WLS: variants seen among roughly 807,000 people sequenced by gnomAD.
The protein encoded by WLS is protein wntless homolog.
Under a neutral mutation model 62.8 loss-of-function variants are expected in WLS, and 23 were observed. The ratio of observed to expected loss-of-function variants is 0.37; its 90% CI spans 0.26 to 0.52. The LOEUF is 0.52. Among genes scored for constraint, WLS ranks in the 20% least tolerant of loss-of-function variants. The probability of loss-of-function intolerance (pLI) is 0.92; values close to 1 mark genes in which losing one functional copy is unlikely to be tolerated. For missense variants in WLS, 615 were observed against 697.3 expected (o/e 0.88, Z 1.33); for synonymous variants, 246 against 244.1 (o/e 1.01, Z -0.07).
chr1:68,223,344 G>A (rs1571037172), intron 1 of WLS, among the ~76,000 whole-genome samples: 1 of 152,168 alleles, frequency 6.6e-6, no homozygotes, highest in Non-Finnish European at 1.5e-5. Context: ...AGGAACTAAT[G>A]TTAGAAAGCA....
rs1425540460 is a variant in WLS, at chr1:68,172,306, A to T, written c.380-13059T>A. Among the ~76,000 whole-genome samples the T allele has an allele frequency of 6.1e-3, 658 of 107,460 alleles. 4 individuals carry two copies. The highest frequency in any genetic ancestry group is 0.024 in the African/African-American group (637 of 26,108). 70.5% of individuals were successfully genotyped at this position (107,460 alleles called of 152,430 possible). On this transcript the variant is annotated intron_variant, in intron 2 of 11. Coordinates refer to ENST00000262348, the MANE Select transcript of WLS (RefSeq NM_024911.7). ...GCACATGTATCCCAGAACTTAAAGT[A>T]TAATTAAAAAAAAAAAATACTCAGA...
chr1:68,110,470 T>C (rs957844505), intron 11 of WLS, among the ~76,000 whole-genome samples: 9 of 149,566 alleles, frequency 6.0e-5, no homozygotes, highest in African/African-American at 2.0e-4. Flanking sequence ...ATATTATTAT[T>C]GCATTAAATA....
At chr1:68,107,644 G>A (rs945793359) in intron 11 of WLS, among the ~76,000 whole-genome samples, 1 of 152,154 alleles carries the variant, frequency 6.6e-6, no homozygotes, top group African/African-American at 2.4e-5. Context: ...AAAAAAACAT[G>A]ATCTTCCATT....
At chr1:68,216,683 A>G (rs1238088662) in intron 1 of WLS, among the ~76,000 whole-genome samples, 1 of 152,214 alleles carries the variant, frequency 6.6e-6, no homozygotes, top group Non-Finnish European at 1.5e-5. Context: ...TTAATCCAAA[A>G]AGCAGACAGG....
intron 11 of WLS, among the ~76,000 whole-genome samples, chr1:68,129,034 T>G (rs909535854): frequency 6.7e-6 from 1 of 150,240 alleles, no homozygotes; most frequent in African/African-American, 2.4e-5. Context: ...GCTAAAAATA[T>G]CCGCATACAG....
At chr1:68,167,750 C>A (rs564603168) in intron 2 of WLS, among the ~76,000 whole-genome samples, 6 of 152,248 alleles carry the variant, frequency 3.9e-5, no homozygotes, top group African/African-American at 1.4e-4. Context: ...TCACATTTCT[C>A]AAATAGCTTT....
intron 11 of WLS, among the ~76,000 whole-genome samples, chr1:68,129,603 G>C (rs962364742): frequency 6.6e-6 from 1 of 152,192 alleles, no homozygotes; most frequent in Non-Finnish European, 1.5e-5. Context: ...TTTCACATGT[G>C]ATTTTATTGT....
chr1:68,177,481 C>T (rs1167747465), intron 2 of WLS, among the ~76,000 whole-genome samples: 1 of 152,164 alleles, frequency 6.6e-6, no homozygotes, highest in African/African-American at 2.4e-5. Flanking sequence ...CTCTGGAACA[C>T]AATTCCTCCT....
rs747950708 is a variant in WLS, at chr1:68,194,064, G to A, written c.270C>T (p.Ile90=). ...AIPREIEAND[I]VFSVHIPLPH... ...GGAGGGGAATGTGAACAGAAAACAC[G>A]ATGTCATTGGCTTCAATTTCCCTTG... Residue 90 remains isoleucine (I), a synonymous_variant, in exon 2 of 12, where the codon ATC becomes ATT. Coordinates refer to ENST00000262348, the MANE Select transcript of WLS (RefSeq NM_024911.7). 9.3e-6 allele frequency: 15 copies of A among 1,614,106 alleles called. No homozygotes were observed. In the South Asian group the frequency reaches 1.3e-4, roughly 14 times the overall value.
rs550210106 is a variant in WLS at position 68,203,461 on chromosome 1, G to T, written c.107-9234C>A. Among the ~76,000 whole-genome samples, 293 of 152,352 alleles carry T rather than the reference G, an allele frequency of 1.9e-3. 2 individuals are homozygous for T. Among genetic ancestry groups the T allele is most frequent in the Non-Finnish European group, 3.9e-3 (264 of 68,034 alleles). On this transcript the variant is annotated intron_variant, in intron 1 of 11. Coordinates refer to ENST00000262348, the MANE Select transcript of WLS (RefSeq NM_024911.7). ...CAAGGCACTACCAGCACTGGGCTGGGTGTCACTCAAAGGGAGCCAGCAAGA... is the reference window on the plus strand; with the variant it reads ...CAAGGCACTACCAGCACTGGGCTGGTTGTCACTCAAAGGGAGCCAGCAAGA...
chr1:68,162,882 TCGTGGATTTC>T lies in WLS; in HGVS notation c.380-3645_380-3636del, dbSNP rs576200606. 3.8e-3 allele frequency: 5,883 copies of T among 1,534,652 alleles called. 13 individuals carry two copies. Among genetic ancestry groups the T allele is most frequent in the Middle Eastern group, 7.5e-3 (41 of 5,466 alleles). ...TACCCATGGCTTCGTTAGAACCTTC[TCGTGGATTTC>T]CTGCGTGGACTGCGCGTCACAGAAG... On this transcript the variant is annotated intron_variant, in intron 2 of 11. Transcript: ENST00000262348.
chr1:68,201,053 G>A (rs886681204), intron 1 of WLS, among the ~76,000 whole-genome samples: 3 of 152,156 alleles, frequency 2.0e-5, no homozygotes, highest in Middle Eastern at 3.2e-3. Context: ...TTAGAAATTA[G>A]CTTTAAATAT....
At chr1:68,148,830 C>T (rs1329481982) in intron 6 of WLS, among the ~76,000 whole-genome samples, 170 bp from the exon 7 acceptor site, 1 of 152,104 alleles carries the variant, frequency 6.6e-6, no homozygotes, top group Non-Finnish European at 1.5e-5. Flanking sequence ...TTCAGGAGCT[C>T]ATCTCTGTGG....
chr1:68,107,297 ATT>A (rs11346197), intron 11 of WLS, among the ~76,000 whole-genome samples: 30 of 149,434 alleles, frequency 2.0e-4, no homozygotes, highest in African/African-American at 3.2e-4. Flanking sequence ...GAATAGCTAG[ATT>A]TTTTTTTTTT....
At chr1:68,104,780 TGTGGTG>T (rs1368467672) in intron 11 of WLS, among the ~76,000 whole-genome samples, 1 of 152,004 alleles carries the variant, frequency 6.6e-6, no homozygotes, top group African/African-American at 2.4e-5. Context: ...AGTAGCCAGG[TGTGGTG>T]GTGCATGCCT....
intron 2 of WLS, among the ~76,000 whole-genome samples, chr1:68,168,771 C>T (rs1475103366): frequency 1.3e-5 from 2 of 152,228 alleles, no homozygotes; most frequent in Non-Finnish European, 2.9e-5. Flanking sequence ...CAAATCTCCT[C>T]CCAGCCTCTG....
rs1331398007 is a variant in WLS at position 68,126,479 on chromosome 1, C to T, written c.1517-144G>A. 2.7e-6 allele frequency: 3 copies of T among 1,109,088 alleles called. No individual in the cohort carries two copies. In the Admixed American group the frequency reaches 6.7e-5, roughly 25 times the overall value. The allele number at this position is 1,109,088 out of a possible 1,614,324, so 68.7% of individuals were successfully genotyped here. A position where few individuals can be genotyped will look rare whatever the true frequency, so the allele number is the denominator to read the frequency against. On this transcript the variant is annotated intron_variant, in intron 11 of 11. Coordinates refer to ENST00000262348, the MANE Select transcript of WLS (RefSeq NM_024911.7). ...CACCTAGGGCACACAACATTCAGAACAAGGACTAACTCCAAACCTGTTCAC... is the reference window on the plus strand; with the variant it reads ...CACCTAGGGCACACAACATTCAGAATAAGGACTAACTCCAAACCTGTTCAC...
intron 1 of WLS, among the ~76,000 whole-genome samples, chr1:68,204,721 T>C (rs1217690330): frequency 6.6e-6 from 1 of 152,228 alleles, no homozygotes; most frequent in Non-Finnish European, 1.5e-5. Flanking sequence ...CTCTCCTTCA[T>C]TCAATTTGTT....
At chr1:68,154,838 C>T (rs921553942) in intron 4 of WLS, among the ~76,000 whole-genome samples, 93 of 152,334 alleles carry the variant, frequency 6.1e-4, no homozygotes, top group African/African-American at 2.1e-3. Flanking sequence ...ATTATGCAAT[C>T]ATGACTATTT....
Sources: gnomAD v4.1 joint callset for allele counts (sites outside exome capture counted in the v4.1 genomes callset) on GRCh38, gnomAD v4.1.1 for gene constraint, MANE v1.5 for transcripts, NCBI Gene and HGNC (gene_info 2026-07-23, HGNC 2026-07-21) for gene names.